The following IGDCC3 variants were observed in gnomAD, a reference collection of about 807,000 sequenced individuals.
The protein encoded by IGDCC3 is putative neuronal cell adhesion molecule.
Under a neutral mutation model 72.0 loss-of-function variants are expected in IGDCC3, and 47 were observed. That is an observed-to-expected ratio of 0.65 (90% confidence interval 0.52 to 0.83). The LOEUF (loss-of-function observed/expected upper bound fraction) is 0.83. IGDCC3 is among the 40% of genes least tolerant of loss of function. The pLI, the probability that IGDCC3 is intolerant of heterozygous loss-of-function variation, is 0.00. For missense variants in IGDCC3, 1,038 were observed against 1,091.3 expected, an observed-to-expected ratio of 0.95 and a Z score of 0.69; for synonymous variants, 477 against 472.8, an observed-to-expected ratio of 1.01 and a Z score of -0.11.
intron 1 of IGDCC3, among the ~76,000 whole-genome samples, chr15:65,375,751 A>G (rs2091355184): frequency 2.0e-5 from 3 of 152,302 alleles, no homozygotes; most frequent in South Asian, 4.1e-4. Context: ...ACTGACTCCA[A>G]TACAGATGCT....
chr15:65,375,230 G>A lies in IGDCC3; in HGVS notation c.276C>T (p.Ala92=). Reference sequence around the variant, plus strand: ...AGTGACGGATCATCAAGGACCCATTGGCCAGCAAGGTGGAGTGGGTACTCT... The same window carrying A: ...AGTGACGGATCATCAAGGACCCATTAGCCAGCAAGGTGGAGTGGGTACTCT... The part of the protein sequence containing the change: ...LPESTHSTLL[A]NGSLMIRHFR... The change falls in exon 2 of 14, where the codon GCC becomes GCT. Residue 92 remains alanine (A), a synonymous_variant. Transcript: ENST00000327987. 1.9e-6 allele frequency: 3 copies of A among 1,614,170 alleles called. No individual in the cohort carries two copies. The highest frequency in any genetic ancestry group is 2.5e-6 in the Non-Finnish European group (3 of 1,180,024).
intron 2 of IGDCC3, among the ~76,000 whole-genome samples, chr15:65,362,178 G>C (rs1001722444): frequency 2.6e-5 from 4 of 152,168 alleles, no homozygotes; most frequent in Non-Finnish European, 5.9e-5. Context: ...TGAAAATGGG[G>C]TAGTGTCCGA....
intron 6 of IGDCC3, among the ~76,000 whole-genome samples, chr15:65,332,447 C>G (rs1040253915): frequency 6.6e-6 from 1 of 152,156 alleles, no homozygotes; most frequent in African/African-American, 2.4e-5. Context: ...TTTGGCTGCA[C>G]CTCCAGAAAG....
rs984966410 is a variant in IGDCC3 at position 65,375,292 on chromosome 15, G to A, written c.214C>T (p.Arg72Ter). Residue 72 changes from arginine to a stop codon, truncating the protein, a stop_gained, in exon 2 of 14, where the codon CGA becomes TGA. Transcript: ENST00000327987. LOFTEE classifies it high-confidence loss of function. ...DCRVEGTPPV[R>*]ITWRKNGVEL... is the part of the protein sequence containing the mutation. ...ACCCCATTCTTCCTCCAGGTGATTC[G>A]CACTGGAGGGGTCCCCTCCACCCTG... The A allele has an allele frequency of 1.9e-6, 3 of 1,613,988 alleles. No homozygotes were observed. Among genetic ancestry groups the A allele is most frequent in the African/African-American group, 2.7e-5 (2 of 74,932 alleles).
Position 65,377,945 on chromosome 15 carries a change from C to CG in IGDCC3, c.-158dup. On this transcript the variant is annotated 5_prime_UTR_variant, in exon 1 of 14. The change abolishes the stop of an existing upstream ORF in the 5' untranslated region. Coordinates refer to ENST00000327987, the MANE Select transcript of IGDCC3 (RefSeq NM_004884.4). This position sits in a 1 kb window ranked among gnomAD's most constrained non-coding sequence, Gnocchi z 4.9. ...GGGGCCGCATGCCTGCTCAGCAGCGCGGGGGGCGCAGGGGGAGCGCCGCTT... is the reference window on the plus strand; with the variant it reads ...GGGGCCGCATGCCTGCTCAGCAGCGCGGGGGGGCGCAGGGGGAGCGCCGCTT... 4.6e-6 allele frequency: 3 copies of CG among 655,696 alleles called. No individual in the cohort carries two copies. The highest frequency in any genetic ancestry group is 5.7e-6 in the Non-Finnish European group (3 of 523,998). 40.6% of individuals were successfully genotyped at this position (655,696 alleles called of 1,614,324 possible). A position where few individuals can be genotyped will look rare whatever the true frequency, so the allele number is the denominator to read the frequency against.
chr15:65,344,522 G>T (rs922052795), intron 2 of IGDCC3, among the ~76,000 whole-genome samples: 1 of 152,192 alleles, frequency 6.6e-6, no homozygotes, highest in Non-Finnish European at 1.5e-5. Context: ...GGGCCTGGAT[G>T]GGGGAGAGGT....
At chr15:65,335,733 C>G in intron 3 of IGDCC3, 79 bp downstream of exon 3, 1 of 1,541,064 alleles carries the variant, frequency 6.5e-7, no homozygotes, top group Non-Finnish European at 9.0e-7. Context: ...GCTCCCAGAG[C>G]CGCGGGCCAT....
Position 65,375,311 on chromosome 15 carries a change from C to T in IGDCC3, c.195G>A (p.Val65=). The T allele has an allele frequency of 1.2e-6, 2 of 1,614,128 alleles. No individual in the cohort carries two copies. The highest frequency in any genetic ancestry group is 1.7e-6 in the Non-Finnish European group (2 of 1,180,020). The change falls in exon 2 of 14, where the codon GTG becomes GTA. Residue 65 remains valine (V), a synonymous_variant. Transcript: ENST00000327987. The part of the protein sequence containing the change: ...PGQPIVLDCR[V]EGTPPVRITW... The stretch of plus-strand genomic sequence containing the variant: ...TGATTCGCACTGGAGGGGTCCCCTC[C>T]ACCCTGCAGTCCAGCACTATAGGCT...
chr15:65,347,132 C>A (rs549363495), intron 2 of IGDCC3, among the ~76,000 whole-genome samples: 6 of 152,218 alleles, frequency 3.9e-5, no homozygotes, highest in Non-Finnish European at 8.8e-5. Flanking sequence ...ATCTCCCTCA[C>A]CTCCCGGAAG....
At position 65,330,612 on chromosome 15, in the gene IGDCC3, G is replaced by T; in HGVS notation, c.1691C>A (p.Thr564Asn). The stretch of plus-strand genomic sequence containing the variant: ...CAGCAGGATGGGGCCGGTGAAGGAG[G>T]TCTTGCTTGCTGGGCGGTAAAACAG... ...FKLFYRPASK[T>N]SFTGPILLPG... The change falls in exon 10 of 14, where the codon ACC becomes AAC. Residue 564 changes from threonine to asparagine, a missense_variant. Thr to Asn is a moderately conservative substitution (Grantham distance 65, BLOSUM62 0). Coordinates refer to ENST00000327987, the MANE Select transcript of IGDCC3 (RefSeq NM_004884.4). 1.2e-6 allele frequency: 2 copies of T among 1,613,856 alleles called. No homozygotes were observed. The highest frequency in any genetic ancestry group is 2.2e-5 in the East Asian group (1 of 44,880).
In IGDCC3 at chr15:65,335,823, C is replaced by A. The variant is rs149026166; in HGVS notation, c.543G>T (p.Thr181=). 1.1e-4 allele frequency: 170 copies of A among 1,614,038 alleles called. No homozygotes were observed. The highest frequency in any genetic ancestry group is 1.6e-4 in the Middle Eastern group (1 of 6,084). ...CACACGTGGCTCACCTCTCATTGTC[C>A]GTGTCAATTGGGACTCTGTTCTTCT... The part of the protein sequence containing the change: ...TWEKNRVPID[T]DNERYTLLPK... Residue 181 remains threonine, a synonymous_variant, in exon 3 of 14, where the codon ACG becomes ACT. Coordinates refer to ENST00000327987, the MANE Select transcript of IGDCC3 (RefSeq NM_004884.4).
intron 2 of IGDCC3, among the ~76,000 whole-genome samples, chr15:65,372,257 A>C (rs578136725): frequency 6.6e-6 from 1 of 152,170 alleles, no homozygotes; most frequent in Non-Finnish European, 1.5e-5. Flanking sequence ...TTTCACAGGC[A>C]AGGAAACTGG....
At chr15:65,346,929 A>G (rs187063622) in intron 2 of IGDCC3, among the ~76,000 whole-genome samples, 64 of 152,274 alleles carry the variant, frequency 4.2e-4, no homozygotes, top group Non-Finnish European at 7.2e-4. Context: ...ATACCAGCCA[A>G]TGGTGCAGGG....
intron 2 of IGDCC3, among the ~76,000 whole-genome samples, chr15:65,362,986 C>G (rs548413385): frequency 6.6e-6 from 1 of 151,560 alleles, no homozygotes; most frequent in Admixed American, 6.6e-5. Context: ...TCCCGAGTAG[C>G]TGGGATTACA....
Position 65,327,783 on chromosome 15 carries a change from T to A in IGDCC3, c.*1126A>T, listed in dbSNP as rs999348522. On this transcript the variant is annotated 3_prime_UTR_variant, in exon 14 of 14. Transcript: ENST00000327987. ...TGGGTGCCTGAGGCTGGGGCGCCTC[T>A]GCAGGGGACACCCACACCCCCTCAC... 9.8e-5 allele frequency: 15 copies of A among 152,536 alleles called. No homozygotes were observed. Among genetic ancestry groups the A allele is most frequent in the African/African-American group, 3.4e-4 (14 of 41,444 alleles). 9.4% of individuals were successfully genotyped at this position (152,536 alleles called of 1,614,324 possible). A position where few individuals can be genotyped will look rare whatever the true frequency, so the allele number is the denominator to read the frequency against.
At chr15:65,340,521 C>G (rs1244404746) in intron 2 of IGDCC3, among the ~76,000 whole-genome samples, 1 of 152,144 alleles carries the variant, frequency 6.6e-6, no homozygotes, top group Non-Finnish European at 1.5e-5. Context: ...GAACCACAGA[C>G]TCTTCTGAAG....
In IGDCC3 at chr15:65,331,704, T is replaced by C. The variant is rs367717611; in HGVS notation, c.1149-45A>G. ...CCTCAGGTTCCCTCCTCCCTGGAGG[T>C]TGACCAAATCTCCCCATTTGAAAGA... is the stretch of plus-strand genomic sequence containing the variant. On this transcript the variant is annotated intron_variant, in intron 7 of 13. Coordinates refer to ENST00000327987, the MANE Select transcript of IGDCC3 (RefSeq NM_004884.4). 6.5e-6 allele frequency: 10 copies of C among 1,532,088 alleles called. No individual in the cohort carries two copies. The East Asian group carries it at 6.9e-5, about 11-fold the overall frequency. The allele number at this position is 1,532,088 out of a possible 1,614,324, so 94.9% of individuals were successfully genotyped here.
intron 2 of IGDCC3, among the ~76,000 whole-genome samples, chr15:65,357,126 A>C (rs922100521): frequency 2.0e-5 from 3 of 151,804 alleles, no homozygotes; most frequent in Non-Finnish European, 4.4e-5. Flanking sequence ...TGCTGGGATT[A>C]CGGGTGTGAG....
At chr15:65,371,946 A>T (rs1425696943) in intron 2 of IGDCC3, among the ~76,000 whole-genome samples, 1 of 152,232 alleles carries the variant, frequency 6.6e-6, no homozygotes, top group Non-Finnish European at 1.5e-5. Flanking sequence ...GGGTTAAAAC[A>T]AAACAAGATG....
Sources: allele counts gnomAD v4.1 joint callset (sites outside exome capture counted in the v4.1 genomes callset), GRCh38; gene constraint gnomAD v4.1.1; non-coding constraint Gnocchi (gnomAD v3.1); transcripts MANE v1.5; gene names NCBI Gene and HGNC (gene_info 2026-07-23, HGNC 2026-07-21).